CADM1: variants seen among roughly 807,000 people sequenced by gnomAD.
CADM1 encodes cell adhesion molecule 1.
A neutral mutation model predicts 53.1 loss-of-function variants in CADM1; 15 were observed. The ratio of observed to expected loss-of-function variants is 0.28; its 90% CI spans 0.19 to 0.44. CADM1 has a LOEUF of 0.44. CADM1 is among the 20% of genes least tolerant of loss of function. CADM1 has a pLI of 1.00. For missense variants in CADM1, 434 were observed against 611.3 expected (o/e 0.71, Z 3.06); for synonymous variants, 281 against 243.0 (o/e 1.16, Z -1.45).
intron 10 of CADM1, among the ~76,000 whole-genome samples, chr11:115,188,713 G>A (rs1046353850): frequency 6.6e-6 from 1 of 152,086 alleles, no homozygotes; most frequent in Non-Finnish European, 1.5e-5. Context: ...TGTTTAAGAC[G>A]GGTGTTAACC....
chr11:115,179,914 C>CT (rs558793090), intron 10 of CADM1, among the ~76,000 whole-genome samples: 240 of 152,274 alleles, frequency 1.6e-3, no homozygotes, highest in African/African-American at 5.6e-3. Flanking sequence ...ATCTGTCCCC[C>CT]TTGCAGTTGC....
chr11:115,197,679 T>C (rs1282808502), intron 9 of CADM1, among the ~76,000 whole-genome samples: 2 of 152,274 alleles, frequency 1.3e-5, no homozygotes, highest in East Asian at 3.9e-4. Flanking sequence ...AAAAACGTAT[T>C]ACTATTTTAC....
chr11:115,495,980 A>T (rs897898500), intron 1 of CADM1, among the ~76,000 whole-genome samples: 8 of 152,134 alleles, frequency 5.3e-5, no homozygotes, highest in African/African-American at 1.7e-4. Context: ...TCCTACTTCT[A>T]AAGGACTTCA....
chr11:115,436,844 T>G (rs372256668), intron 1 of CADM1, among the ~76,000 whole-genome samples: 6 of 152,262 alleles, frequency 3.9e-5, no homozygotes, highest in Admixed American at 3.9e-4. Flanking sequence ...TTAATTTTTG[T>G]TGAAAAAAGG....
intron 1 of CADM1, among the ~76,000 whole-genome samples, chr11:115,342,488 T>A (rs142309259): frequency 6.6e-6 from 1 of 152,204 alleles, no homozygotes; most frequent in Non-Finnish European, 1.5e-5. Flanking sequence ...GGTCTCTAAG[T>A]CTCCAAAGTC....
rs1565274646 is a variant in CADM1, at chr11:115,172,543, G to C, written c.*3931C>G. 1 of 152,116 alleles carries C rather than the reference G, an allele frequency of 6.6e-6. No homozygotes were observed. The highest frequency in any genetic ancestry group is 1.5e-5 in the Non-Finnish European group (1 of 68,076). The allele number at this position is 152,116 out of a possible 1,614,324, so 9.4% of individuals were successfully genotyped here. A position where few individuals can be genotyped will look rare whatever the true frequency, so the allele number is the denominator to read the frequency against. ...AGCCTTCACTGATTACCCTTCTCCAGAAAATTCTCATAGCACTCTCTGGGC... is the reference window on the plus strand; with the variant it reads ...AGCCTTCACTGATTACCCTTCTCCACAAAATTCTCATAGCACTCTCTGGGC... On this transcript the variant is annotated 3_prime_UTR_variant, in exon 12 of 12. Coordinates refer to ENST00000331581, the MANE Select transcript of CADM1 (RefSeq NM_001301043.2).
intron 1 of CADM1, among the ~76,000 whole-genome samples, chr11:115,460,270 C>A (rs973919814): frequency 6.6e-6 from 1 of 152,262 alleles, no homozygotes; most frequent in Admixed American, 6.5e-5. Context: ...TAACGCAAAC[C>A]TTTTCCCTTT....
chr11:115,185,916 T>A (rs965021962), intron 10 of CADM1, among the ~76,000 whole-genome samples: 1 of 152,202 alleles, frequency 6.6e-6, no homozygotes, highest in African/African-American at 2.4e-5. Flanking sequence ...TTAATGAATA[T>A]GGTGAAGTCA....
chr11:115,231,236 A>G (rs1487506402), intron 4 of CADM1, 117 bp downstream of exon 4: 7 of 1,136,884 alleles, frequency 6.2e-6, no homozygotes, highest in East Asian at 2.3e-5. Context: ...ATTATAAACC[A>G]TATCTAAATG....
chr11:115,319,890 A>C (rs150977448), intron 1 of CADM1, among the ~76,000 whole-genome samples: 4 of 152,304 alleles, frequency 2.6e-5, no homozygotes, highest in African/African-American at 9.6e-5. Context: ...AAATAATCCT[A>C]ACAACCCTAA....
intron 2 of CADM1, 107 bp downstream of exon 2, chr11:115,240,167 T>G: frequency 2.0e-6 from 2 of 1,011,246 alleles, no homozygotes; most frequent in Non-Finnish European, 3.0e-6. Context: ...GACTAAACTT[T>G]AAGCATCTAA....
chr11:115,501,453 G>T (rs1949724571), intron 1 of CADM1, among the ~76,000 whole-genome samples: 4 of 152,138 alleles, frequency 2.6e-5, no homozygotes, highest in Admixed American at 2.6e-4. Flanking sequence ...AATGATAAGA[G>T]GGGGGTGATC....
At chr11:115,328,733 CATATAT>C (rs1222652729) in intron 1 of CADM1, among the ~76,000 whole-genome samples, 1 of 111,032 alleles carries the variant, frequency 9.0e-6, no homozygotes, top group African/African-American at 3.5e-5. Context: ...TATGTATATA[CATATAT>C]ATATATATAG....
chr11:115,478,730 C>A (rs1301242170), intron 1 of CADM1, among the ~76,000 whole-genome samples: 2 of 152,038 alleles, frequency 1.3e-5, no homozygotes, highest in African/African-American at 2.4e-5. Context: ...ATGAATATGC[C>A]AATTAGATAG....
intron 1 of CADM1, among the ~76,000 whole-genome samples, chr11:115,252,634 C>T (rs1489609556): frequency 2.0e-5 from 3 of 152,080 alleles, no homozygotes; most frequent in Non-Finnish European, 1.5e-5. Context: ...GGTTTCCTCC[C>T]TTTCTGTATA....
intron 1 of CADM1, among the ~76,000 whole-genome samples, chr11:115,379,285 T>C (rs910015730): frequency 6.6e-6 from 1 of 152,230 alleles, no homozygotes; most frequent in East Asian, 1.9e-4. Context: ...ACTAAAGATA[T>C]GTAATACTGA....
At chr11:115,318,688 T>C (rs1309399931) in intron 1 of CADM1, among the ~76,000 whole-genome samples, 1 of 151,968 alleles carries the variant, frequency 6.6e-6, no homozygotes, top group Non-Finnish European at 1.5e-5. Flanking sequence ...GGAATGGAAA[T>C]GGAGGGACAA....
At chr11:115,436,069 G>A (rs186760890) in intron 1 of CADM1, among the ~76,000 whole-genome samples, 11 of 152,208 alleles carry the variant, frequency 7.2e-5, no homozygotes, top group Admixed American at 4.6e-4. Context: ...ATGGTGACAG[G>A]GGCTTTAATT....
chr11:115,304,192 C>T (rs1944305124), intron 1 of CADM1, among the ~76,000 whole-genome samples: 1 of 151,986 alleles, frequency 6.6e-6, no homozygotes, highest in Non-Finnish European at 1.5e-5. Context: ...CTTTGCCTGC[C>T]TTGAGATAAA....
Sources: gnomAD v4.1 joint callset for allele counts (sites outside exome capture counted in the v4.1 genomes callset) on GRCh38, gnomAD v4.1.1 for gene constraint, MANE v1.5 for transcripts, NCBI Gene and HGNC (gene_info 2026-07-23, HGNC 2026-07-21) for gene names.